Variants in CRAMP1 observed in about 807,000 individuals in gnomAD.
CRAMP1 encodes the protein protein cramped-like.
Under a neutral mutation model 115.4 loss-of-function variants are expected in CRAMP1, and 50 were observed. The ratio of observed to expected loss-of-function variants is 0.43; its 90% CI spans 0.35 to 0.55. CRAMP1 has a LOEUF of 0.55. Among genes scored for constraint, CRAMP1 ranks in the 20% least tolerant of loss-of-function variants. CRAMP1 has a pLI of 0.01. For missense variants in CRAMP1, 1,679 were observed against 1,721.7 expected (o/e 0.98, Z 0.44); for synonymous variants, 866 against 745.4 (o/e 1.16, Z -2.64).
rs911731215 is a variant in CRAMP1, at chr16:1,669,225, G to T, written c.3499+60G>T. Reference sequence around the variant, plus strand: ...CAGGGCAGCAGGGGCTGGGGTCTGCGGGACACTGGATTCTCATTCTACTCA... The same window carrying T: ...CAGGGCAGCAGGGGCTGGGGTCTGCTGGACACTGGATTCTCATTCTACTCA... On this transcript the variant is annotated intron_variant, in intron 19 of 20. Transcript: ENST00000397412. This position sits in a 1 kb window ranked among gnomAD's most constrained non-coding sequence, Gnocchi z 4.6. 7.6e-7 allele frequency: 1 copy of T among 1,322,904 alleles called. No individual in the cohort carries two copies. 81.9% of individuals were successfully genotyped at this position (1,322,904 alleles called of 1,614,324 possible).
At position 1,614,036 on chromosome 16, in the gene CRAMP1, T is replaced by A. The variant is rs2036391741; in HGVS notation, c.-1-603T>A. On this transcript the variant is annotated intron_variant, in intron 1 of 20. Coordinates refer to ENST00000397412, the MANE Select transcript of CRAMP1 (RefSeq NM_020825.4). This position sits in a 1 kb window ranked among gnomAD's most constrained non-coding sequence, Gnocchi z 4.4. The stretch of plus-strand genomic sequence containing the variant: ...CCGTCCCGGGGTGGATCCGGCCTCC[T>A]CTGTCCTCCTCCAGGGCCAGCTCTG... Among the ~76,000 whole-genome samples the A allele has an allele frequency of 6.7e-6, 1 of 149,796 alleles. No homozygotes were observed. The highest frequency in any genetic ancestry group is 2.0e-4 in the East Asian group (1 of 4,940).
chr16:1,638,523 A>G (rs2036606677), intron 5 of CRAMP1, among the ~76,000 whole-genome samples: 1 of 152,202 alleles, frequency 6.6e-6, no homozygotes, highest in African/African-American at 2.4e-5. Flanking sequence ...CCTCGGGACC[A>G]GATTCCCTTG....
At chr16:1,637,746 C>T in intron 4 of CRAMP1, 78 bp from the exon 5 acceptor site, 1 of 613,434 alleles carries the variant, frequency 1.6e-6, no homozygotes. Context: ...CCACGTGAGC[C>T]TGGTGTGGCT....
chr16:1,649,512 C>T lies in CRAMP1; in HGVS notation c.828-2984C>T, dbSNP rs758274667. ...TTTTATTTTTTTATTTTTTTTGAGA[C>T]GGAGTCTCACTCTGTTGCTCAGGCT... On this transcript the variant is annotated intron_variant, in intron 6 of 20. Coordinates refer to ENST00000397412, the MANE Select transcript of CRAMP1 (RefSeq NM_020825.4). 1.4e-4 allele frequency among the ~76,000 whole-genome samples: 22 copies of T among 152,036 alleles called. No homozygotes were observed. In the East Asian group the frequency reaches 2.5e-3, roughly 17 times the overall value.
At chr16:1,652,019 TCACA>T (rs999148165) in intron 6 of CRAMP1, among the ~76,000 whole-genome samples, 5 of 151,036 alleles carry the variant, frequency 3.3e-5, no homozygotes, top group Non-Finnish European at 7.4e-5. Context: ...TGGATTTAGG[TCACA>T]CAGAGGTCAC....
chr16:1,618,055 T>G (rs557933891), intron 2 of CRAMP1, among the ~76,000 whole-genome samples: 9 of 152,330 alleles, frequency 5.9e-5, no homozygotes, highest in African/African-American at 2.2e-4. Context: ...AGATTTCGGC[T>G]TAGAGCCGCA....
chr16:1,626,926 A>G (rs1236702027), intron 3 of CRAMP1, among the ~76,000 whole-genome samples: 8 of 152,116 alleles, frequency 5.3e-5, no homozygotes, highest in African/African-American at 1.7e-4. Context: ...ATGCCACTGC[A>G]GTGGCATAGT....
chr16:1,614,704 C>A lies in CRAMP1; in HGVS notation c.65C>A (p.Ala22Glu). 2 of 1,336,432 alleles carry A rather than the reference C, an allele frequency of 1.5e-6. No individual in the cohort carries two copies. The highest frequency in any genetic ancestry group is 1.9e-6 in the Non-Finnish European group (2 of 1,035,002). 82.8% of individuals were successfully genotyped at this position (1,336,432 alleles called of 1,614,324 possible). Reference sequence around the variant, plus strand: ...GGGCTCAAGAAGCTGGGCAAGCGGGCGGCCGATGAGGAGTCCCTGGAAGGA... The same window carrying A: ...GGGCTCAAGAAGCTGGGCAAGCGGGAGGCCGATGAGGAGTCCCTGGAAGGA... ...EDGLKKLGKR[A>E]ADEESLEGEG... is the part of the protein sequence containing the mutation. The change falls in exon 2 of 21, where the codon GCG (alanine) becomes GAG (glutamate). Residue 22 changes from alanine (A) to glutamate (E), a missense_variant. Coordinates refer to ENST00000397412, the MANE Select transcript of CRAMP1 (RefSeq NM_020825.4). The surrounding 1 kb of genome is among the most constrained non-coding windows in gnomAD (Gnocchi z 4.4).
At chr16:1,662,438 A>G in intron 11 of CRAMP1, 52 bp from the exon 12 acceptor site, 1 of 1,434,052 alleles carries the variant, frequency 7.0e-7, no homozygotes. Flanking sequence ...GTGACCCTGG[A>G]CCTGTTGCTA....
At chr16:1,659,862 T>C in intron 10 of CRAMP1, 24 bp from the exon 11 acceptor site, 1 of 1,611,356 alleles carries the variant, frequency 6.2e-7, no homozygotes. Flanking sequence ...AGTTTGGACA[T>C]TGTTTGGCCC....
chr16:1,656,707 G>C lies in CRAMP1; in HGVS notation c.1950G>C (p.Pro650=). The part of the protein sequence containing the change: ...LQEKGSPAGP[P]PSQGQPAARP... ...AGAAGGGGAGCCCCGCGGGGCCTCC[G>C]CCGTCTCAGGGACAGCCTGCCGCCA... The change falls in exon 10 of 21, where the codon CCG becomes CCC. Residue 650 remains proline (P), a synonymous_variant. Transcript: ENST00000397412. The surrounding 1 kb of genome is among the most constrained non-coding windows in gnomAD (Gnocchi z 5.6). 6.4e-7 allele frequency: 1 copy of C among 1,555,384 alleles called. No individual in the cohort carries two copies.
rs549859039 is a variant in CRAMP1, at chr16:1,648,101, G to A, written c.828-4395G>A. ...TGGTTCCATATGAATGCAGAAGGGT[G>A]CACTTAGTTTGATTGAAGGAAAAAA... On this transcript the variant is annotated intron_variant, in intron 6 of 20. Transcript: ENST00000397412. 1.1e-4 allele frequency among the ~76,000 whole-genome samples: 16 copies of A among 151,994 alleles called. No homozygotes were observed. The East Asian group carries it at 3.1e-3, about 29-fold the overall frequency.
At chr16:1,637,725 G>C (rs2036599906) in intron 4 of CRAMP1, 99 bp from the exon 5 acceptor site, 2 of 508,374 alleles carry the variant, frequency 3.9e-6, no homozygotes, top group Non-Finnish European at 6.9e-6. Flanking sequence ...ACAGGGAGGA[G>C]ATCCAAGAAA....
Position 1,653,102 on chromosome 16 carries a change from G to A in CRAMP1, c.983G>A (p.Arg328Gln), listed in dbSNP as rs1157656622. ...AAAGTCCCTATAGAGCTACAGCCGC[G>A]GAACAACCACGCCTGGGCCCGTGTG... ...PLKVPIELQP[R>Q]NNHAWARVQS... Residue 328 changes from arginine to glutamine, a missense_variant, in exon 8 of 21, where the codon CGG (arginine) becomes CAG (glutamine). By Grantham distance (43) the Arg-to-Gln change is conservative. This residue lies in a region of CRAMP1 where 191 missense variants were observed against 236.2 expected (regional missense o/e 0.81). Coordinates refer to ENST00000397412, the MANE Select transcript of CRAMP1 (RefSeq NM_020825.4). 4 of 1,612,278 alleles carry A rather than the reference G, an allele frequency of 2.5e-6. No individual in the cohort carries two copies. Among genetic ancestry groups the A allele is most frequent in the South Asian group, 1.1e-5 (1 of 90,604 alleles).
intron 13 of CRAMP1, 47 bp downstream of exon 13, chr16:1,662,882 A>C: frequency 6.8e-7 from 1 of 1,471,092 alleles, no homozygotes; most frequent in Non-Finnish European, 9.4e-7. Context: ...GGCTGGGCCA[A>C]CCAGGACACA....
At chr16:1,634,580 C>T (rs546851774) in intron 4 of CRAMP1, among the ~76,000 whole-genome samples, 90 of 152,314 alleles carry the variant, frequency 5.9e-4, no homozygotes, top group African/African-American at 2.1e-3. Flanking sequence ...GCACAGCAGG[C>T]TCCTACAGCC....
chr16:1,676,887 T>G lies in CRAMP1; in HGVS notation c.*2842T>G, dbSNP rs545596404. ...CAGGGAGTGGGGTGTTGGCGGCGTT[T>G]CCGCGGTTGGCCTCCTTGCTTTGCC... is the stretch of plus-strand genomic sequence containing the variant. On this transcript the variant is annotated 3_prime_UTR_variant, in exon 21 of 21. Coordinates refer to ENST00000397412, the MANE Select transcript of CRAMP1 (RefSeq NM_020825.4). The G allele has an allele frequency of 2.0e-5, 3 of 152,292 alleles. No homozygotes were observed. The highest frequency in any genetic ancestry group is 4.4e-5 in the Non-Finnish European group (3 of 68,076). 9.4% of individuals were successfully genotyped at this position (152,292 alleles called of 1,614,324 possible). A position where few individuals can be genotyped will look rare whatever the true frequency, so the allele number is the denominator to read the frequency against.
chr16:1,660,196 G>A lies in CRAMP1; in HGVS notation c.2413+133G>A, dbSNP rs2036816762. 2.1e-5 allele frequency: 15 copies of A among 712,008 alleles called. No homozygotes were observed. In the South Asian group the frequency reaches 2.5e-4, roughly 12 times the overall value. 44.1% of individuals were successfully genotyped at this position (712,008 alleles called of 1,614,324 possible). A position where few individuals can be genotyped will look rare whatever the true frequency, so the allele number is the denominator to read the frequency against. On this transcript the variant is annotated intron_variant, in intron 11 of 20. Transcript: ENST00000397412. ...CCACTGGCCAGCTCGCCACTATCCA[G>A]ATGACAGGGTGAAGGTGCAGAATCA...
chr16:1,656,952 G>A lies in CRAMP1; in HGVS notation c.2195G>A (p.Cys732Tyr). The change falls in exon 10 of 21, where the codon TGC becomes TAC. Residue 732 changes from cysteine (C) to tyrosine (Y), a missense_variant. Coordinates refer to ENST00000397412, the MANE Select transcript of CRAMP1 (RefSeq NM_020825.4). The surrounding 1 kb of genome is among the most constrained non-coding windows in gnomAD (Gnocchi z 5.6). The stretch of plus-strand genomic sequence containing the variant: ...CTCCACAAGCAGCGCCTCCTCAGCT[G>A]CCTCCTGAAGCTCATTTCCACCGAG... ...TALHKQRLLS[C>Y]LLKLISTEVN... is the part of the protein sequence containing the mutation. The A allele has an allele frequency of 6.4e-7, 1 of 1,554,900 alleles. No homozygotes were observed. Among genetic ancestry groups the A allele is most frequent in the African/African-American group, 1.4e-5 (1 of 73,382 alleles).
Sources: allele counts gnomAD v4.1 joint callset (sites outside exome capture counted in the v4.1 genomes callset), GRCh38; gene constraint gnomAD v4.1.1; regional missense constraint gnomAD v4.1.1; non-coding constraint Gnocchi (gnomAD v3.1); transcripts MANE v1.5; gene names NCBI Gene and HGNC (gene_info 2026-07-23, HGNC 2026-07-21).